DSE: variants seen among roughly 807,000 people sequenced by gnomAD.
The protein encoded by DSE is dermatan-sulfate epimerase.
DSE carries 36 observed loss-of-function variants against 84.4 expected under a neutral mutation model. The observed-to-expected ratio is 0.43, with a 90% CI of 0.33 to 0.56. The LOEUF is 0.56. Among genes scored for constraint, DSE ranks in the 20% least tolerant of loss-of-function variants. The probability of loss-of-function intolerance (pLI) is 0.06; values close to 1 mark genes in which losing one functional copy is unlikely to be tolerated. For missense variants in DSE, 862 were observed against 1,169.6 expected (o/e 0.74, Z 3.84); for synonymous variants, 410 against 430.1 (o/e 0.95, Z 0.58).
intron 2 of DSE, among the ~76,000 whole-genome samples, chr6:116,308,822 C>T (rs556324615): frequency 1.3e-4 from 20 of 152,138 alleles, no homozygotes; most frequent in African/African-American, 4.3e-4. Context: ...GGACTACAGG[C>T]GCCCACCACC....
intron 2 of DSE, among the ~76,000 whole-genome samples, chr6:116,342,511 C>G (rs958186300): frequency 2.0e-5 from 3 of 152,068 alleles, no homozygotes; most frequent in African/African-American, 7.2e-5. Flanking sequence ...AAACTCCTGA[C>G]CTCGTAATCT....
upstream of DSE, among the ~76,000 whole-genome samples, chr6:116,368,045 C>A (rs549015429): frequency 6.6e-6 from 1 of 152,298 alleles, no homozygotes; most frequent in South Asian, 2.1e-4. Context: ...ACTAAGTAGT[C>A]ATTTCCTTTG....
chr6:116,412,720 A>G (rs889513052), intron 2 of DSE: 7 of 151,816 alleles, frequency 4.6e-5, no homozygotes, highest in African/African-American at 1.7e-4. Context: ...CAACTTTTAG[A>G]TTTAGGGGGT....
chr6:116,322,387 T>A (rs1776380703), intron 2 of DSE, among the ~76,000 whole-genome samples: 1 of 152,116 alleles, frequency 6.6e-6, no homozygotes, highest in African/African-American at 2.4e-5. Flanking sequence ...GTCTCCTCCC[T>A]TAATAGAATA....
At chr6:116,268,483 G>A (rs1314051908) in intron 2 of DSE, among the ~76,000 whole-genome samples, 1 of 152,146 alleles carries the variant, frequency 6.6e-6, no homozygotes, top group Non-Finnish European at 1.5e-5. Flanking sequence ...TGACTGAACT[G>A]CTATGTTCTA....
rs142033199 is a variant in DSE at position 116,437,252 on chromosome 6, C to T, written c.2784C>T (p.Ser928=). 14 of 1,613,948 alleles carry T rather than the reference C, an allele frequency of 8.7e-6. No individual in the cohort carries two copies. In the African/African-American group the frequency reaches 1.1e-4, roughly 12 times the overall value. Residue 928 remains serine (S), a synonymous_variant, in exon 6 of 6, where the codon AGC becomes AGT. Coordinates refer to ENST00000644252, the MANE Select transcript of DSE (RefSeq NM_013352.4). ...TGACTTATTTCCAGAGGGCCCAGAG[C>T]CTACATGGCCAAAGATGTCTTTATG... The part of the protein sequence containing the change: ...MQLTYFQRAQ[S]LHGQRCLYAV...
chr6:116,425,534 G>A (rs909045254), intron 2 of DSE, among the ~76,000 whole-genome samples: 1 of 152,084 alleles, frequency 6.6e-6, no homozygotes, highest in Admixed American at 6.5e-5. Context: ...CTAATTTGCA[G>A]AATAATATAG....
intron 2 of DSE, among the ~76,000 whole-genome samples, chr6:116,332,332 A>C (rs1165800832): frequency 6.6e-6 from 1 of 152,092 alleles, no homozygotes; most frequent in Non-Finnish European, 1.5e-5. Flanking sequence ...CCTGAAACTG[A>C]GCTTTAGATC....
In DSE at chr6:116,254,186, T is replaced by A. The variant is rs532983421; in HGVS notation, c.-685T>A. ...CGCGAGAACTCTCTGCGCGGTTGAC[T>A]ACGCTTATCAATCCATCGTATTCCT... is the stretch of plus-strand genomic sequence containing the variant. On this transcript the variant is annotated 5_prime_UTR_variant, in exon 1 of 4. Coordinates refer to the DSE transcript ENST00000430252. 62 of 730,408 alleles carry A rather than the reference T, an allele frequency of 8.5e-5. No individual in the cohort carries two copies. In the East Asian group the frequency reaches 1.6e-3, roughly 19 times the overall value. The allele number at this position is 730,408 out of a possible 1,614,324, so 45.2% of individuals were successfully genotyped here. A position where few individuals can be genotyped will look rare whatever the true frequency, so the allele number is the denominator to read the frequency against.
upstream of DSE, chr6:116,367,291 G>A (rs1034252670): frequency 2.6e-5 from 4 of 152,250 alleles, no homozygotes; most frequent in Admixed American, 6.5e-5. Flanking sequence ...CTGAAGATGA[G>A]AGAATCTATA....
chr6:116,430,473 G>T (rs544511012), intron 3 of DSE, among the ~76,000 whole-genome samples: 16 of 152,164 alleles, frequency 1.1e-4, no homozygotes, highest in Admixed American at 7.2e-4. Flanking sequence ...TCTTACATGT[G>T]ATACAGTTTA....
chr6:116,356,257 A>G (rs1484393842), intron 2 of DSE, among the ~76,000 whole-genome samples: 2 of 152,216 alleles, frequency 1.3e-5, no homozygotes, highest in East Asian at 1.9e-4. Flanking sequence ...CAGAGCATCA[A>G]AGAGAAATGT....
chr6:116,329,858 T>C (rs1475093809), intron 2 of DSE, among the ~76,000 whole-genome samples: 3 of 152,228 alleles, frequency 2.0e-5, no homozygotes, highest in Admixed American at 6.5e-5. Flanking sequence ...GGAGTCTTGC[T>C]CTGTCCCCAG....
chr6:116,310,857 T>C (rs1363178982), intron 2 of DSE, among the ~76,000 whole-genome samples: 1 of 152,222 alleles, frequency 6.6e-6, no homozygotes, highest in Non-Finnish European at 1.5e-5. Flanking sequence ...AGGCCCTTCC[T>C]AATGGTTTCC....
At chr6:116,430,902 T>A (rs1160734229) in intron 3 of DSE, 52 bp from the exon 4 acceptor site, 1 of 1,593,488 alleles carries the variant, frequency 6.3e-7, no homozygotes, top group Non-Finnish European at 8.6e-7. Flanking sequence ...TATTTTTGTT[T>A]ATGCTTTGTC....
At chr6:116,281,456 T>G (rs1001887930) in intron 2 of DSE, among the ~76,000 whole-genome samples, 6 of 152,178 alleles carry the variant, frequency 3.9e-5, no homozygotes, top group Non-Finnish European at 7.3e-5. Flanking sequence ...CATCTATGGG[T>G]GCCTCAAGTT....
intron 1 of DSE, among the ~76,000 whole-genome samples, chr6:116,378,204 G>A (rs1780035242): frequency 6.6e-6 from 1 of 152,216 alleles, no homozygotes; most frequent in African/African-American, 2.4e-5. Flanking sequence ...TAAATACAGG[G>A]AAGTTTTTCT....
chr6:116,310,949 C>A (rs1263164291), intron 2 of DSE, among the ~76,000 whole-genome samples: 2 of 152,214 alleles, frequency 1.3e-5, no homozygotes, highest in Non-Finnish European at 2.9e-5. Flanking sequence ...CCAGCCTCAA[C>A]TTGTTTCCTA....
intron 2 of DSE, among the ~76,000 whole-genome samples, chr6:116,354,154 T>C (rs1394395024): frequency 6.6e-6 from 1 of 152,216 alleles, no homozygotes; most frequent in Non-Finnish European, 1.5e-5. Context: ...GTCCTTGATA[T>C]ATGAGGCAAG....
Sources: gnomAD v4.1 joint callset for allele counts (sites outside exome capture counted in the v4.1 genomes callset) on GRCh38, gnomAD v4.1.1 for gene constraint, MANE v1.5 for transcripts, NCBI Gene and HGNC (gene_info 2026-07-23, HGNC 2026-07-21) for gene names.